The following FCER1A variants were observed in gnomAD, a reference collection of about 807,000 sequenced individuals.
FCER1A encodes high affinity immunoglobulin epsilon receptor subunit alpha.
In FCER1A, 24 loss-of-function variants were observed where a neutral mutation model predicts 23.6. The observed-to-expected ratio is 1.02, with a 90% confidence interval of 0.74 to 1.43. FCER1A has a LOEUF of 1.43. FCER1A is among the 40% of genes most tolerant of loss of function. The probability of loss-of-function intolerance (pLI) is 0.00; values close to 1 mark genes in which losing one functional copy is unlikely to be tolerated. For synonymous variants in FCER1A, 121 were observed against 108.8 expected (o/e 1.11, Z -0.70); for missense variants, 318 against 294.5 (o/e 1.08, Z -0.58).
chr1:159,299,635 A>G (rs1449717546), upstream of FCER1A, among the ~76,000 whole-genome samples: 3 of 152,262 alleles, frequency 2.0e-5, no homozygotes, highest in Non-Finnish European at 4.4e-5. Context: ...ACCCAGAATC[A>G]GAAGCAAGAA....
chr1:159,284,725 A>G (rs1208007848), upstream of FCER1A, among the ~76,000 whole-genome samples: 1 of 152,128 alleles, frequency 6.6e-6, no homozygotes, highest in Non-Finnish European at 1.5e-5. Flanking sequence ...ACATGTATTT[A>G]TGTTTATGGT....
At position 159,304,277 on chromosome 1, in the gene FCER1A, C is replaced by T; in HGVS notation, c.331+95C>T. 5 of 1,255,396 alleles carry T rather than the reference C, an allele frequency of 4.0e-6. No individual in the cohort carries two copies. In the East Asian group the frequency reaches 7.0e-5, roughly 18 times the overall value. 77.8% of individuals were successfully genotyped at this position (1,255,396 alleles called of 1,614,324 possible). On this transcript the variant is annotated intron_variant, in intron 3 of 4. Transcript: ENST00000693622. The stretch of plus-strand genomic sequence containing the variant: ...CAGGTTATTCCAAGGGTTAGGACAC[C>T]AGAGTGGGATTCAAGGCCTCTCATT...
At chr1:159,307,630 C>A in intron 4 of FCER1A, 118 bp from the exon 5 acceptor site, 1 of 714,652 alleles carries the variant, frequency 1.4e-6, no homozygotes, top group Non-Finnish European at 2.3e-6. Context: ...GATGCCACAT[C>A]ACGCTAAAAA....
upstream of FCER1A, among the ~76,000 whole-genome samples, chr1:159,287,662 A>T (rs1043709590): frequency 6.7e-6 from 1 of 148,816 alleles, no homozygotes; most frequent in Admixed American, 6.7e-5. Context: ...ATATGTCTAT[A>T]TACACATTGT....
At chr1:159,293,003 A>AC (rs1391152428) in intron 1 of FCER1A, among the ~76,000 whole-genome samples, 8 of 151,754 alleles carry the variant, frequency 5.3e-5, no homozygotes, top group Admixed American at 1.3e-4. Context: ...CACCAGATAG[A>AC]CCCCTTGACC....
chr1:159,293,070 C>T (rs926404633), intron 1 of FCER1A, among the ~76,000 whole-genome samples: 1 of 151,928 alleles, frequency 6.6e-6, no homozygotes, highest in Non-Finnish European at 1.5e-5. Flanking sequence ...TTATAAATTT[C>T]AGTCTCAGGT....
intron 3 of FCER1A, 152 bp from the exon 4 acceptor site, chr1:159,305,836 G>T (rs1255580067): frequency 1.5e-6 from 1 of 653,552 alleles, no homozygotes; most frequent in Non-Finnish European, 2.6e-6. Context: ...GCATTATTTT[G>T]TGCCCTTTAA....
chr1:159,307,743 T>C lies in FCER1A; in HGVS notation c.590-5T>C. Reference sequence around the variant, plus strand: ...GTTTCTCATTGCATCTGTGTTCCACTACAGCTCCGCGTGAGAAGTACTGGC... The same window carrying C: ...GTTTCTCATTGCATCTGTGTTCCACCACAGCTCCGCGTGAGAAGTACTGGC... On this transcript the variant is annotated splice_polypyrimidine_tract_variant and splice_region_variant and intron_variant, in intron 4 of 4. Coordinates refer to ENST00000693622, the MANE Select transcript of FCER1A (RefSeq NM_001387280.1). 3 of 1,594,608 alleles carry C rather than the reference T, an allele frequency of 1.9e-6. No homozygotes were observed. The highest frequency in any genetic ancestry group is 1.1e-5 in the South Asian group (1 of 89,124).
chr1:159,292,562 T>C (rs952834013), intron 1 of FCER1A, among the ~76,000 whole-genome samples: 7 of 152,138 alleles, frequency 4.6e-5, no homozygotes, highest in South Asian at 4.1e-4. Context: ...ATTTTGACTC[T>C]TAAGCATTTC....
chr1:159,304,002 T>A lies in FCER1A; in HGVS notation c.151T>A (p.Cys51Ser), dbSNP rs1015559933. The A allele has an allele frequency of 6.2e-7, 1 of 1,613,656 alleles. No individual in the cohort carries two copies. The highest frequency in any genetic ancestry group is 2.2e-5 in the East Asian group (1 of 44,864). Residue 51 changes from cysteine (C) to serine (S), a missense_variant, in exon 3 of 5, where the codon TGT becomes AGT. Cys to Ser is a moderately radical substitution (Grantham distance 112). Transcript: ENST00000693622. ...IFKGENVTLTCNGNNFFEVSS... is the reference protein window; with the variant it reads ...IFKGENVTLTSNGNNFFEVSS... Reference sequence around the variant, plus strand: ...TAAAGGAGAGAATGTGACTCTTACATGTAATGGGAACAATTTCTTTGAAGT... The same window carrying A: ...TAAAGGAGAGAATGTGACTCTTACAAGTAATGGGAACAATTTCTTTGAAGT...
chr1:159,306,387 G>A (rs937388060), intron 4 of FCER1A, 142 bp downstream of exon 4: 8 of 701,074 alleles, frequency 1.1e-5, no homozygotes, highest in Middle Eastern at 4.0e-4. Context: ...GGAGACCTGG[G>A]TGATAGTATA....
chr1:159,289,168 C>T (rs542553489), upstream of FCER1A, among the ~76,000 whole-genome samples: 3 of 152,302 alleles, frequency 2.0e-5, no homozygotes, highest in African/African-American at 7.2e-5. Flanking sequence ...ATCACGACCT[C>T]CTGCTGCTCT....
chr1:159,291,074 A>G (rs953963682), intron 1 of FCER1A, among the ~76,000 whole-genome samples: 17 of 152,282 alleles, frequency 1.1e-4, no homozygotes, highest in African/African-American at 3.8e-4. Context: ...TTTTCTAGCA[A>G]GTTAATATTT....
At chr1:159,296,117 T>A (rs1322106287) in intron 1 of FCER1A, among the ~76,000 whole-genome samples, 2 of 152,198 alleles carry the variant, frequency 1.3e-5, no homozygotes, top group Non-Finnish European at 2.9e-5. Context: ...ATGTCATTTG[T>A]CAGCTGGTAT....
chr1:159,297,749 A>AT (rs991449680), upstream of FCER1A, among the ~76,000 whole-genome samples: 11 of 151,626 alleles, frequency 7.3e-5, no homozygotes, highest in Admixed American at 5.9e-4. Context: ...ATATTCTGGT[A>AT]TTTTTTTTAG....
Position 159,302,877 on chromosome 1 carries a change from G to T in FCER1A, c.76+3G>T, listed in dbSNP as rs2102229374. The T allele has an allele frequency of 1.9e-6, 3 of 1,613,620 alleles. No homozygotes were observed. In the South Asian group the frequency reaches 3.3e-5, roughly 18 times the overall value. ...AGCTCCAGATGGCGTGTTAGCAGGT[G>T]AGTCCTCTGTTCTTGTTCCCTTGGT... is the stretch of plus-strand genomic sequence containing the variant. On this transcript the variant is annotated splice_donor_region_variant and intron_variant, in intron 2 of 4. Transcript: ENST00000693622.
intron 1 of FCER1A, among the ~76,000 whole-genome samples, chr1:159,295,519 A>G (rs1652275319): frequency 2.0e-5 from 3 of 152,210 alleles, no homozygotes; most frequent in Admixed American, 1.3e-4. Flanking sequence ...CCTAATTATA[A>G]TAAACACTAT....
chr1:159,299,806 A>C (rs1057445848), upstream of FCER1A, among the ~76,000 whole-genome samples: 1 of 152,066 alleles, frequency 6.6e-6, no homozygotes, highest in East Asian at 1.9e-4. Flanking sequence ...TGTGGCATTC[A>C]ACTGTGTATC....
At chr1:159,287,038 T>C (rs892481089), upstream of FCER1A, among the ~76,000 whole-genome samples, 2 of 152,196 alleles carry the variant, frequency 1.3e-5, no homozygotes, top group Non-Finnish European at 2.9e-5. Context: ...AAAAGAATGA[T>C]GCACAATTGA....
Sources: gnomAD v4.1 joint callset for allele counts (sites outside exome capture counted in the v4.1 genomes callset) on GRCh38, gnomAD v4.1.1 for gene constraint, MANE v1.5 for transcripts, NCBI Gene and HGNC (gene_info 2026-07-23, HGNC 2026-07-21) for gene names.